KCND2: variants seen among roughly 807,000 people sequenced by gnomAD.
The protein encoded by KCND2 is A-type voltage-gated potassium channel KCND2.
Under a neutral mutation model 54.4 loss-of-function variants are expected in KCND2, and 16 were observed. The observed-to-expected ratio is 0.29, with a 90% CI of 0.20 to 0.45. KCND2 has a LOEUF of 0.45. KCND2 is among the 20% of genes least tolerant of loss of function. The pLI is 1.00. For synonymous variants in KCND2, 317 were observed against 310.7 expected (o/e 1.02, Z -0.21); for missense variants, 486 against 824.2 (o/e 0.59, Z 5.02).
chr7:120,336,646 T>C (rs1166728496), intron 1 of KCND2, among the ~76,000 whole-genome samples: 1 of 152,184 alleles, frequency 6.6e-6, no homozygotes, highest in Non-Finnish European at 1.5e-5. Flanking sequence ...GATAGCATTA[T>C]TCCAGTTCTT....
chr7:120,555,126 G>C (rs1792147964), intron 1 of KCND2, among the ~76,000 whole-genome samples: 1 of 152,106 alleles, frequency 6.6e-6, no homozygotes, highest in African/African-American at 2.4e-5. Flanking sequence ...TTCCCACACA[G>C]GGACAAGAGT....
intron 1 of KCND2, among the ~76,000 whole-genome samples, chr7:120,326,195 G>T (rs375312160): frequency 3.3e-5 from 5 of 152,010 alleles, no homozygotes; most frequent in East Asian, 3.8e-4. Context: ...GACTAATGAC[G>T]AATGTACCTA....
intron 1 of KCND2, among the ~76,000 whole-genome samples, chr7:120,364,224 A>C (rs1438567939): frequency 6.6e-6 from 1 of 152,128 alleles, no homozygotes. Flanking sequence ...TCAATTTTGT[A>C]CTTTGTTTTA....
chr7:120,702,529 T>C (rs974510085), intron 1 of KCND2, among the ~76,000 whole-genome samples: 7 of 152,054 alleles, frequency 4.6e-5, no homozygotes, highest in African/African-American at 1.7e-4. Flanking sequence ...AGCAAAGACA[T>C]AGAATCAACC....
intron 1 of KCND2, among the ~76,000 whole-genome samples, chr7:120,282,831 A>G (rs1197534367): frequency 6.6e-6 from 1 of 152,198 alleles, no homozygotes; most frequent in African/African-American, 2.4e-5. Context: ...CACAGAGTTC[A>G]ATTCAACATA....
intron 1 of KCND2, among the ~76,000 whole-genome samples, chr7:120,631,366 T>A (rs1443886759): frequency 6.6e-6 from 1 of 152,132 alleles, no homozygotes; most frequent in African/African-American, 2.4e-5. Context: ...TCAAAGCTAG[T>A]ATCTAATGTT....
intron 1 of KCND2, among the ~76,000 whole-genome samples, chr7:120,552,095 G>A (rs1400280371): frequency 6.6e-6 from 1 of 152,212 alleles, no homozygotes; most frequent in South Asian, 2.1e-4. Flanking sequence ...AGAAACAAAA[G>A]TATCTTATAA....
chr7:120,463,870 T>C (rs984922363), intron 1 of KCND2, among the ~76,000 whole-genome samples: 1 of 151,232 alleles, frequency 6.6e-6, no homozygotes, highest in Non-Finnish European at 1.5e-5. Context: ...AGGGTAAGAA[T>C]TGAAAGGTAG....
At chr7:120,426,707 C>T (rs1235383390) in intron 1 of KCND2, among the ~76,000 whole-genome samples, 2 of 150,084 alleles carry the variant, frequency 1.3e-5, no homozygotes, top group Non-Finnish European at 3.0e-5. Context: ...CTGCAAGCTC[C>T]GCCTCCCAGG....
At chr7:120,474,933 T>C (rs1016348784) in intron 1 of KCND2, among the ~76,000 whole-genome samples, 9 of 152,174 alleles carry the variant, frequency 5.9e-5, no homozygotes, top group Non-Finnish European at 8.8e-5. Context: ...TCCGAACTCC[T>C]GGGCTCAAGC....
chr7:120,674,043 G>A (rs1290535192), intron 1 of KCND2, among the ~76,000 whole-genome samples: 2 of 151,770 alleles, frequency 1.3e-5, no homozygotes, highest in Non-Finnish European at 2.9e-5. Context: ...TAGCTGGGAC[G>A]CAGACATGCG....
chr7:120,365,010 CA>C (rs1212685053), intron 1 of KCND2, among the ~76,000 whole-genome samples: 2 of 151,740 alleles, frequency 1.3e-5, no homozygotes, highest in African/African-American at 2.4e-5. Flanking sequence ...TGTTAAAATA[CA>C]AAATTGATAT....
rs79227815 is a variant in KCND2 at position 120,711,371 on chromosome 7, A to G, written c.1116-21532A>G. 9.4e-3 allele frequency among the ~76,000 whole-genome samples: 1,433 copies of G among 152,296 alleles called. 11 individuals carry two copies. Among genetic ancestry groups the G allele is most frequent in the Non-Finnish European group, 0.016 (1,111 of 68,012 alleles). On this transcript the variant is annotated intron_variant, in intron 1 of 5. Coordinates refer to ENST00000331113, the MANE Select transcript of KCND2 (RefSeq NM_012281.3). ...ACCAAAGATTAGTATATGCAAAGCA[A>G]TGAATTCAACATTGTATTTGCAATG...
intron 1 of KCND2, among the ~76,000 whole-genome samples, chr7:120,312,809 G>A (rs764842610): frequency 6.6e-6 from 1 of 152,070 alleles, no homozygotes; most frequent in Non-Finnish European, 1.5e-5. Context: ...AAAATAAGTT[G>A]GATTTGGAGA....
chr7:120,432,523 A>ACC (rs1563044322), intron 1 of KCND2, among the ~76,000 whole-genome samples: 1 of 133,220 alleles, frequency 7.5e-6, no homozygotes, highest in Non-Finnish European at 1.5e-5. Flanking sequence ...ACACACACAC[A>ACC]CCCCTCATTT....
chr7:120,711,298 G>C (rs1235793681), intron 1 of KCND2, among the ~76,000 whole-genome samples: 1 of 152,032 alleles, frequency 6.6e-6, no homozygotes, highest in East Asian at 1.9e-4. Flanking sequence ...TTAAATTTCT[G>C]AGTGTATATT....
At chr7:120,318,783 G>T (rs1009012768) in intron 1 of KCND2, among the ~76,000 whole-genome samples, 17 of 152,140 alleles carry the variant, frequency 1.1e-4, no homozygotes, top group African/African-American at 4.1e-4. Flanking sequence ...TTGAATACTA[G>T]CATATCAGAT....
At chr7:120,621,805 A>G (rs1417659220) in intron 1 of KCND2, among the ~76,000 whole-genome samples, 1 of 152,102 alleles carries the variant, frequency 6.6e-6, no homozygotes, top group Non-Finnish European at 1.5e-5. Context: ...AAAGGAGCAA[A>G]TTTCAGTCTC....
At chr7:120,575,229 A>C (rs1792415806) in intron 1 of KCND2, among the ~76,000 whole-genome samples, 1 of 152,196 alleles carries the variant, frequency 6.6e-6, no homozygotes. Flanking sequence ...GTCAAGTCCC[A>C]AAACCTCAAA....
Sources: gnomAD v4.1 joint callset for allele counts (sites outside exome capture counted in the v4.1 genomes callset) on GRCh38, gnomAD v4.1.1 for gene constraint, MANE v1.5 for transcripts, NCBI Gene and HGNC (gene_info 2026-07-23, HGNC 2026-07-21) for gene names.